The following KCNIP4 variants were observed in gnomAD, a reference collection of about 807,000 sequenced individuals.
The protein encoded by KCNIP4 is Kv channel-interacting protein 4.
Under a neutral mutation model 34.0 loss-of-function variants are expected in KCNIP4, and 12 were observed. The ratio of observed to expected loss-of-function variants is 0.35; its 90% CI spans 0.23 to 0.57. The LOEUF is 0.57. Ranked by LOEUF, KCNIP4 falls within the 20% of genes least tolerant of loss-of-function variation. The probability of loss-of-function intolerance (pLI) is 0.83; values close to 1 mark genes in which losing one functional copy is unlikely to be tolerated. For missense variants in KCNIP4, 238 were observed against 311.7 expected, an observed-to-expected ratio of 0.76 and a Z score of 1.78; for synonymous variants, 124 against 102.2, an observed-to-expected ratio of 1.21 and a Z score of -1.29.
At chr4:21,875,902 A>T (rs565479220) in intron 1 of KCNIP4, among the ~76,000 whole-genome samples, 26 of 152,288 alleles carry the variant, frequency 1.7e-4, no homozygotes, top group African/African-American at 6.0e-4. Flanking sequence ...ATACAAGCTT[A>T]TTGACTTAGA....
chr4:20,967,948 A>G (rs1391178564), intron 1 of KCNIP4, among the ~76,000 whole-genome samples: 3 of 152,220 alleles, frequency 2.0e-5, no homozygotes, highest in African/African-American at 7.2e-5. Context: ...ATTAAACTAA[A>G]GAGTTTCTGT....
intron 1 of KCNIP4, among the ~76,000 whole-genome samples, chr4:21,302,846 AGGG>A (rs1711902454): frequency 6.6e-6 from 1 of 152,152 alleles, no homozygotes; most frequent in South Asian, 2.1e-4. Context: ...CATTCTCTGG[AGGG>A]CTGGATTAGT....
At chr4:21,647,302 A>T (rs1747094986) in intron 1 of KCNIP4, among the ~76,000 whole-genome samples, 1 of 152,134 alleles carries the variant, frequency 6.6e-6, no homozygotes, top group Non-Finnish European at 1.5e-5. Context: ...CTACAGGGAA[A>T]CTGATTACTA....
chr4:21,596,602 C>CA (rs1422670075), intron 1 of KCNIP4, among the ~76,000 whole-genome samples: 1 of 152,012 alleles, frequency 6.6e-6, no homozygotes, highest in East Asian at 1.9e-4. Context: ...CAAAAAAGAA[C>CA]AAAAACAAAG....
chr4:21,538,011 CAAAAAAAAAAAAAAAA>C (rs71191517), intron 1 of KCNIP4, among the ~76,000 whole-genome samples: 1 of 51,240 alleles, frequency 2.0e-5, no homozygotes. Context: ...GATTCCGTCT[CAAAAAAAAAAAAAAAA>C]AAAAAAAAAA....
At chr4:21,706,723 C>G (rs1056875136) in intron 1 of KCNIP4, among the ~76,000 whole-genome samples, 9 of 152,114 alleles carry the variant, frequency 5.9e-5, no homozygotes, top group African/African-American at 1.9e-4. Context: ...CTCTCAAAGA[C>G]TGCTCCTCTC....
At chr4:21,804,193 G>T (rs138303693) in intron 1 of KCNIP4, among the ~76,000 whole-genome samples, 1 of 152,350 alleles carries the variant, frequency 6.6e-6, no homozygotes, top group African/African-American at 2.4e-5. Flanking sequence ...TTTTCATTTA[G>T]AAGGCAAGAA....
chr4:20,890,006 T>C (rs990878663), intron 1 of KCNIP4, among the ~76,000 whole-genome samples: 54 of 152,232 alleles, frequency 3.5e-4, no homozygotes, highest in African/African-American at 4.6e-4. Context: ...AGTGGCTACA[T>C]AGAAAAAAAA....
intron 1 of KCNIP4, among the ~76,000 whole-genome samples, chr4:21,200,885 CA>C (rs1402906252): frequency 1.3e-5 from 2 of 151,948 alleles, no homozygotes; most frequent in Admixed American, 6.6e-5. Flanking sequence ...ATATTAAAAT[CA>C]AATAGGCAGA....
intron 2 of KCNIP4, among the ~76,000 whole-genome samples, chr4:20,864,883 G>T (rs949435071): frequency 1.3e-5 from 2 of 152,040 alleles, no homozygotes; most frequent in African/African-American, 4.8e-5. Context: ...GCCTGCCTCA[G>T]TATCTTTTAT....
In KCNIP4 at chr4:20,969,597, C is replaced by A. The variant is rs1233075083; in HGVS notation, c.62-86888G>T. Among the ~76,000 whole-genome samples the A allele has an allele frequency of 2.0e-5, 3 of 152,022 alleles. No homozygotes were observed. In the South Asian group the frequency reaches 6.2e-4, roughly 32 times the overall value. ...GTGTGTGAAAAGACCTGAAACAGTTCATTCTCTTGTCCCATTAATTCCACT... is the reference window on the plus strand; with the variant it reads ...GTGTGTGAAAAGACCTGAAACAGTTAATTCTCTTGTCCCATTAATTCCACT... On this transcript the variant is annotated intron_variant, in intron 1 of 8. Transcript: ENST00000382152.
At chr4:20,764,256 A>G (rs1405221308) in intron 3 of KCNIP4, among the ~76,000 whole-genome samples, 1 of 152,228 alleles carries the variant, frequency 6.6e-6, no homozygotes, top group African/African-American at 2.4e-5. Flanking sequence ...GGTCATTTAT[A>G]TAAGCATATA....
At chr4:21,033,939 A>G (rs1741228686) in intron 1 of KCNIP4, among the ~76,000 whole-genome samples, 1 of 152,228 alleles carries the variant, frequency 6.6e-6, no homozygotes, top group Admixed American at 6.5e-5. Flanking sequence ...TCTCTCTGGC[A>G]AAAGCTAATG....
chr4:20,746,383 G>C (rs577103875), intron 5 of KCNIP4, among the ~76,000 whole-genome samples: 1 of 151,938 alleles, frequency 6.6e-6, no homozygotes, highest in South Asian at 2.1e-4. Flanking sequence ...AGGGTGGGGG[G>C]CTAGGGGAGG....
intron 1 of KCNIP4, among the ~76,000 whole-genome samples, chr4:21,462,397 C>G (rs6842721): frequency 0.27 from 40,806 of 151,998 alleles, 5,975 homozygotes; most frequent in African/African-American, 0.37. Context: ...GGAAAACTCC[C>G]TCTTATAATA....
chr4:21,764,879 G>A (rs1252036047), intron 1 of KCNIP4, among the ~76,000 whole-genome samples: 1 of 152,024 alleles, frequency 6.6e-6, no homozygotes, highest in East Asian at 1.9e-4. Context: ...GAAGAGAGGT[G>A]TTTGAAGAGT....
intron 1 of KCNIP4, among the ~76,000 whole-genome samples, chr4:21,519,800 CGT>C (rs1036410839): frequency 5.3e-4 from 60 of 113,392 alleles, no homozygotes; most frequent in Non-Finnish European, 8.7e-4. Context: ...TGTGTATACA[CGT>C]GTGTGTATGT....
At chr4:21,114,423 C>T (rs1352573506) in intron 1 of KCNIP4, among the ~76,000 whole-genome samples, 2 of 152,004 alleles carry the variant, frequency 1.3e-5, no homozygotes, top group Non-Finnish European at 2.9e-5. Context: ...TCTAAAAATG[C>T]ATGTGTTGCT....
At chr4:21,703,501 GA>G (rs1213493536) in intron 1 of KCNIP4, among the ~76,000 whole-genome samples, 6 of 152,032 alleles carry the variant, frequency 3.9e-5, no homozygotes, top group Non-Finnish European at 8.8e-5. Context: ...CTCATAGGTG[GA>G]AAAATTAAAA....
Sources: allele counts gnomAD v4.1 joint callset (sites outside exome capture counted in the v4.1 genomes callset), GRCh38; gene constraint gnomAD v4.1.1; transcripts MANE v1.5; gene names NCBI Gene and HGNC (gene_info 2026-07-23, HGNC 2026-07-21).